The following ADGRV1 variants were observed in gnomAD, a reference collection of about 807,000 sequenced individuals.
The protein encoded by ADGRV1 is adhesion G protein-coupled receptor V1, also known as G-protein coupled receptor 98.
ADGRV1 carries 359 observed loss-of-function variants against 596.2 expected under a neutral mutation model. That is an observed-to-expected ratio of 0.60 (90% CI 0.55 to 0.66). The LOEUF (loss-of-function observed/expected upper bound fraction) is 0.66. Ranked by LOEUF, ADGRV1 falls within the 30% of genes least tolerant of loss-of-function variation. The pLI, the probability that ADGRV1 is intolerant of heterozygous loss-of-function variation, is 0.00. For missense variants in ADGRV1, 7,274 were observed against 7,575.6 expected, an observed-to-expected ratio of 0.96 and a Z score of 1.48; for synonymous variants, 2,681 against 2,679.2, an observed-to-expected ratio of 1.00 and a Z score of -0.02.
At chr5:90,879,763 A>G (rs1336046110) in intron 83 of ADGRV1, among the ~76,000 whole-genome samples, 1 of 152,104 alleles carries the variant, frequency 6.6e-6, no homozygotes, top group East Asian at 1.9e-4. Flanking sequence ...CCTGGCCAAC[A>G]TGGTGAAACC....
chr5:90,815,021 C>A (rs1762768751), intron 74 of ADGRV1, among the ~76,000 whole-genome samples: 1 of 151,260 alleles, frequency 6.6e-6, no homozygotes, highest in Admixed American at 6.6e-5. Context: ...GTACCCGTAA[C>A]CTCAAGTGTT....
chr5:90,729,812 C>G (rs1382652634), intron 50 of ADGRV1, 48 bp downstream of exon 50: 1 of 1,579,608 alleles, frequency 6.3e-7, no homozygotes, highest in Non-Finnish European at 8.7e-7. Flanking sequence ...GTATGGAAAG[C>G]CAGAATGATT....
At chr5:90,958,953 C>T (rs888338945) in intron 83 of ADGRV1, among the ~76,000 whole-genome samples, 1 of 152,092 alleles carries the variant, frequency 6.6e-6, no homozygotes, top group African/African-American at 2.4e-5. Flanking sequence ...TTTGCCACCT[C>T]TATTTAATAG....
At chr5:91,079,025 T>C (rs1004616492) in intron 86 of ADGRV1, among the ~76,000 whole-genome samples, 3 of 152,212 alleles carry the variant, frequency 2.0e-5, no homozygotes, top group African/African-American at 7.2e-5. Flanking sequence ...AAACATGATA[T>C]GATTTTTTTT....
At chr5:91,036,501 G>T (rs924101436) in intron 85 of ADGRV1, among the ~76,000 whole-genome samples, 1 of 151,648 alleles carries the variant, frequency 6.6e-6, no homozygotes, top group Non-Finnish European at 1.5e-5. Flanking sequence ...GGCGGAGCTT[G>T]CAGTGAGCTG....
intron 85 of ADGRV1, among the ~76,000 whole-genome samples, chr5:91,048,647 TTCTC>T: frequency 6.6e-6 from 1 of 152,186 alleles, no homozygotes; most frequent in Non-Finnish European, 1.5e-5. Context: ...TAAACTTTCT[TTCTC>T]TCTTTCTGAC....
chr5:90,625,160 G>A lies in ADGRV1; in HGVS notation c.589G>A (p.Asp197Asn), dbSNP rs1323610663. The A allele has an allele frequency of 2.5e-6, 4 of 1,613,000 alleles. No homozygotes were observed. The highest frequency in any genetic ancestry group is 1.6e-4 in the Middle Eastern group (1 of 6,082). ...GGGTGGCCCAAATCCCCCTGATGAA[G>A]ATTTGAGTCCAGTTAAAGGAAATAT... ...VEGGPNPPDE[D>N]LSPVKGNITF... Residue 197 changes from aspartate (D) to asparagine (N), a missense_variant, in exon 6 of 90, where the codon GAT becomes AAT. Asp to Asn is a conservative substitution (Grantham distance 23). Transcript: ENST00000405460.
intron 76 of ADGRV1, 71 bp downstream of exon 76, chr5:90,823,667 A>C: frequency 7.6e-7 from 1 of 1,318,826 alleles, no homozygotes; most frequent in Non-Finnish European, 1.1e-6. Context: ...TTTTAAAACC[A>C]CTATTGAAAC....
chr5:90,861,747 A>G (rs1246008986), intron 82 of ADGRV1, among the ~76,000 whole-genome samples: 3 of 152,228 alleles, frequency 2.0e-5, no homozygotes, highest in African/African-American at 7.2e-5. Context: ...TAGATGTTAA[A>G]TATAGCTATT....
At chr5:90,595,842 C>T (rs1407018957) in intron 1 of ADGRV1, among the ~76,000 whole-genome samples, 6 of 147,518 alleles carry the variant, frequency 4.1e-5, no homozygotes, top group East Asian at 2.1e-4. Flanking sequence ...GGGCGGCTGA[C>T]GCCCCCACCT....
At chr5:90,599,661 C>T (rs1761157384) in intron 1 of ADGRV1, among the ~76,000 whole-genome samples, 1 of 151,950 alleles carries the variant, frequency 6.6e-6, no homozygotes, top group Non-Finnish European at 1.5e-5. Context: ...GCCAGAGAAG[C>T]CCAATCTCAG....
rs1337583080 is a variant in ADGRV1 at position 90,788,205 on chromosome 5, C to T, written c.13788C>T (p.Ile4596=). 1 of 1,613,770 alleles carries T rather than the reference C, an allele frequency of 6.2e-7. No homozygotes were observed. Among genetic ancestry groups the T allele is most frequent in the South Asian group, 1.1e-5 (1 of 91,084 alleles). The change falls in exon 68 of 90, where the codon ATC becomes ATT. Residue 4596 remains isoleucine (I), a synonymous_variant. Coordinates refer to ENST00000405460, the MANE Select transcript of ADGRV1 (RefSeq NM_032119.4). ...GAGTGAGAACCATAATTCTGACAAT[C>T]TATCCTCATGAAGAAATTGAAGTTG... The part of the protein sequence containing the change: ...EGGVRTIILT[I]YPHEEIEVEE...
At chr5:90,681,572 T>A in intron 27 of ADGRV1, 118 bp downstream of exon 27, 1 of 972,170 alleles carries the variant, frequency 1.0e-6, no homozygotes, top group Non-Finnish European at 1.5e-6. Context: ...GGAATGAGCC[T>A]ATTGGCACAG....
chr5:91,050,909 T>C (rs1786262373), intron 85 of ADGRV1, among the ~76,000 whole-genome samples: 1 of 152,220 alleles, frequency 6.6e-6, no homozygotes, highest in Admixed American at 6.5e-5. Context: ...TGATATCCAC[T>C]AGAATGTAAG....
chr5:91,155,169 T>A (rs1476894879), intron 89 of ADGRV1, among the ~76,000 whole-genome samples: 2 of 151,952 alleles, frequency 1.3e-5, no homozygotes, highest in African/African-American at 4.8e-5. Context: ...AAACATGACA[T>A]AAGAAAGAAT....
At chr5:90,632,780 A>G (rs1765663912) in intron 9 of ADGRV1, among the ~76,000 whole-genome samples, 1 of 152,188 alleles carries the variant, frequency 6.6e-6, no homozygotes, top group African/African-American at 2.4e-5. Flanking sequence ...TTCTTTATGT[A>G]TCTATATAGT....
chr5:90,794,924 G>A (rs1760506321), intron 70 of ADGRV1, among the ~76,000 whole-genome samples: 1 of 151,868 alleles, frequency 6.6e-6, no homozygotes, highest in Admixed American at 6.6e-5. Flanking sequence ...GAGGGACTGA[G>A]CCTGAAGAAC....
intron 52 of ADGRV1, among the ~76,000 whole-genome samples, chr5:90,746,554 C>T (rs530482788): frequency 5.3e-5 from 8 of 152,240 alleles, no homozygotes; most frequent in South Asian, 4.1e-4. Context: ...AAGTGAGCTT[C>T]GGGGTTAGTT....
chr5:90,574,469 A>C (rs977158503), intron 1 of ADGRV1, among the ~76,000 whole-genome samples: 1 of 152,140 alleles, frequency 6.6e-6, no homozygotes, highest in Non-Finnish European at 1.5e-5. Context: ...TTGTGTATAG[A>C]AATGCTACTG....
Sources: allele counts gnomAD v4.1 joint callset (sites outside exome capture counted in the v4.1 genomes callset), GRCh38; gene constraint gnomAD v4.1.1; transcripts MANE v1.5; gene names NCBI Gene and HGNC (gene_info 2026-07-23, HGNC 2026-07-21).